RBBP8: variants seen among roughly 807,000 people sequenced by gnomAD.
The protein encoded by RBBP8 is DNA endonuclease RBBP8.
Under a neutral mutation model 108.3 loss-of-function variants are expected in RBBP8, and 88 were observed. The ratio of observed to expected loss-of-function variants is 0.81; its 90% CI spans 0.68 to 0.97. The LOEUF is 0.97. Ranked by LOEUF, RBBP8 falls within the 50% of genes least tolerant of loss-of-function variation. The probability of loss-of-function intolerance (pLI) is 0.00; values close to 1 mark genes in which losing one functional copy is unlikely to be tolerated. For synonymous variants in RBBP8, 332 were observed against 348.2 expected, an observed-to-expected ratio of 0.95 and a Z score of 0.52; for missense variants, 1,023 against 1,049.0, an observed-to-expected ratio of 0.98 and a Z score of 0.34.
chr18:23,022,819 G>A (rs1339627586), intron 18 of RBBP8, among the ~76,000 whole-genome samples: 1 of 151,406 alleles, frequency 6.6e-6, no homozygotes, highest in Non-Finnish European at 1.5e-5. Context: ...TTAGAGATTG[G>A]TAATATCACT....
chr18:23,015,929 T>C (rs1167994396), intron 16 of RBBP8, among the ~76,000 whole-genome samples: 1 of 152,084 alleles, frequency 6.6e-6, no homozygotes, highest in East Asian at 1.9e-4. Flanking sequence ...GCTTTTTTTC[T>C]TTTTTTGAGA....
intron 3 of RBBP8, among the ~76,000 whole-genome samples, chr18:22,928,037 C>T (rs1274767868): frequency 1.3e-5 from 2 of 151,868 alleles, no homozygotes; most frequent in East Asian, 1.9e-4. Flanking sequence ...GGCAAAACTC[C>T]GTCTCTACTA....
In RBBP8 at chr18:22,975,288, G is replaced by T. The variant is rs1914421385; in HGVS notation, c.428+69G>T. The T allele has an allele frequency of 3.8e-6, 6 of 1,568,402 alleles. No homozygotes were observed. In the South Asian group the frequency reaches 7.1e-5, roughly 19 times the overall value. The stretch of plus-strand genomic sequence containing the variant: ...ATACAAACCATGAAGATAACTGTAA[G>T]AGTTGCAGATTTCATTTTAAAAATT... On this transcript the variant is annotated intron_variant, in intron 6 of 18. Coordinates refer to ENST00000327155, the MANE Select transcript of RBBP8 (RefSeq NM_002894.3).
In RBBP8 at chr18:22,992,986, C is replaced by T. The variant is rs1804732; in HGVS notation, c.1159C>T (p.His387Tyr). The T allele has an allele frequency of 2.5e-6, 4 of 1,613,576 alleles. No individual in the cohort carries two copies. The highest frequency in any genetic ancestry group is 3.4e-6 in the Non-Finnish European group (4 of 1,179,518). Residue 387 changes from histidine to tyrosine, a missense_variant, in exon 11 of 19, where the codon CAT becomes TAT. Transcript: ENST00000327155. ...ATCTGAAGATAGTGCCCTTTTCACA[C>T]ATCACAGTCTTGGGTCTGAAGTGAA... ...SKSEDSALFTHHSLGSEVNKI... is the reference protein window; with the variant it reads ...SKSEDSALFTYHSLGSEVNKI...
chr18:23,001,712 C>T lies in RBBP8; in HGVS notation c.2270C>T (p.Ala757Val), dbSNP rs2045951579. Residue 757 changes from alanine (A) to valine (V), a missense_variant, in exon 15 of 19, where the codon GCC (alanine) becomes GTC (valine). Transcript: ENST00000327155. ...GATGAAGAGGAGGAATTGTCTACTG[C>T]CACAAAGAAACTACACAGTAAGATT... ...AADEEEELST[A>V]TKKLHTHGDK... 6.2e-7 allele frequency: 1 copy of T among 1,614,046 alleles called. No individual in the cohort carries two copies. The highest frequency in any genetic ancestry group is 8.5e-7 in the Non-Finnish European group (1 of 1,179,988).
rs548660489 is a variant in RBBP8 at position 22,990,873 on chromosome 18, T to A, written c.808-64T>A. ...CTACATCATAACATATATCAGTACT[T>A]CATCCCTTTTTAAGAATGAACAAAT... On this transcript the variant is annotated intron_variant, in intron 9 of 18. Transcript: ENST00000327155. 93 of 1,241,628 alleles carry A rather than the reference T, an allele frequency of 7.5e-5. No individual in the cohort carries two copies. The African/African-American group carries it at 1.3e-3, about 18-fold the overall frequency. 76.9% of individuals were successfully genotyped at this position (1,241,628 alleles called of 1,614,324 possible).
chr18:22,924,127 G>GTTTTTTTTTTTTTT lies in RBBP8; in HGVS notation c.-153-5249_-153-5236dup, dbSNP rs33978854. 3.1e-4 allele frequency among the ~76,000 whole-genome samples: 34 copies of GTTTTTTTTTTTTTT among 108,220 alleles called. 1 individual carries two copies. Among genetic ancestry groups the GTTTTTTTTTTTTTT allele is most frequent in the Non-Finnish European group, 4.9e-4 (28 of 56,814 alleles). The allele number at this position is 108,220 out of a possible 152,430, so 71.0% of individuals were successfully genotyped here. A position where few individuals can be genotyped will look rare whatever the true frequency, so the allele number is the denominator to read the frequency against. On this transcript the variant is annotated intron_variant, in intron 3 of 4. Transcript: ENST00000577588. ...GCATTTTTTAGTTAGTTTGTTTTTGGTTTTTTTTTTTTTTTTTTTTGAGAC... is the reference window on the plus strand; with the variant it reads ...GCATTTTTTAGTTAGTTTGTTTTTGGTTTTTTTTTTTTTTTTTTTTTTTTTTTTTTTTTTGAGAC...
At chr18:23,006,488 TTTTA>T (rs2046051005) in intron 16 of RBBP8, 56 bp downstream of exon 16, 9 of 1,368,270 alleles carry the variant, frequency 6.6e-6, no homozygotes, top group African/African-American at 2.9e-5. Context: ...TAGAGCTGTC[TTTTA>T]TTTCTCTCTC....
At chr18:22,940,874 G>A (rs1044043508) in intron 2 of RBBP8, among the ~76,000 whole-genome samples, 5 of 151,812 alleles carry the variant, frequency 3.3e-5, no homozygotes, top group Admixed American at 1.3e-4. Context: ...CAACTCCTGG[G>A]CTCAAGCAGT....
rs1555630318 is a variant in RBBP8, at chr18:22,924,132, T to TTG, written c.-153-5250_-153-5249insGT. Among the ~76,000 whole-genome samples, 869 of 141,170 alleles carry TTG rather than the reference T, an allele frequency of 6.2e-3. 8 individuals carry two copies. The highest frequency in any genetic ancestry group is 0.022 in the African/African-American group (845 of 38,668). 92.6% of individuals were successfully genotyped at this position (141,170 alleles called of 152,430 possible). ...TTTTAGTTAGTTTGTTTTTGGTTTT[T>TTG]TTTTTTTTTTTTTTTGAGACGGAGT... is the stretch of plus-strand genomic sequence containing the variant. On this transcript the variant is annotated intron_variant, in intron 3 of 4. Coordinates refer to the RBBP8 transcript ENST00000577588.
Position 22,970,817 on chromosome 18 carries a change from T to C in RBBP8, c.361+1899T>C, listed in dbSNP as rs550720828. Among the ~76,000 whole-genome samples, 26 of 152,344 alleles carry C rather than the reference T, an allele frequency of 1.7e-4. No individual in the cohort carries two copies. In the East Asian group the frequency reaches 4.2e-3, roughly 25 times the overall value. On this transcript the variant is annotated intron_variant, in intron 5 of 18. Coordinates refer to ENST00000327155, the MANE Select transcript of RBBP8 (RefSeq NM_002894.3). ...TGGTAGATATGCTGTGCATATATTT[T>C]CTACTTTGCCATTACCTGTTGACTT...
chr18:22,982,501 A>AT, intron 7 of RBBP8, 108 bp downstream of exon 7: 1 of 1,571,794 alleles, frequency 6.4e-7, no homozygotes, highest in Non-Finnish European at 8.6e-7. Context: ...CTATTCTGGT[A>AT]TCCCATGGTA....
Position 22,993,298 on chromosome 18 carries a change from C to T in RBBP8, c.1471C>T (p.Leu491=), listed in dbSNP as rs561139689. 2 of 1,614,224 alleles carry T rather than the reference C, an allele frequency of 1.2e-6. No individual in the cohort carries two copies. Among genetic ancestry groups the T allele is most frequent in the South Asian group, 2.2e-5 (2 of 91,084 alleles). ...TGGAGACTGTGTGATGGATAAACCT[C>T]TGGATCTGTCTGATCGATTTTCAGC... The part of the protein sequence containing the change: ...MNGDCVMDKP[L]DLSDRFSAIQ... Residue 491 remains leucine (L), a synonymous_variant, in exon 11 of 19, where the codon CTG becomes TTG. Transcript: ENST00000327155.
Position 23,001,847 on chromosome 18 carries a change from G to A in RBBP8, c.2287+118G>A, listed in dbSNP as rs62095233. On this transcript the variant is annotated intron_variant, in intron 15 of 18. Transcript: ENST00000327155. ...CAACAATTGAAGTTTCATATTTCTT[G>A]TATAAATTTTTTCAGGTTTTTAAAA... The A allele has an allele frequency of 0.037, 49,515 of 1,355,708 alleles. 1,072 individuals are homozygous for A. Among genetic ancestry groups the A allele is most frequent in the African/African-American group, 0.078 (5,245 of 67,616 alleles). 84.0% of individuals were successfully genotyped at this position (1,355,708 alleles called of 1,614,324 possible). A position where few individuals can be genotyped will look rare whatever the true frequency, so the allele number is the denominator to read the frequency against.
chr18:23,001,447 A>T (rs1176280761), intron 14 of RBBP8, 139 bp from the exon 15 acceptor site: 1 of 956,282 alleles, frequency 1.0e-6, no homozygotes, highest in East Asian at 2.5e-5. Context: ...TATATAATCC[A>T]TATTTTAACA....
rs2045795759 is a variant in RBBP8, at chr18:22,993,839, A to G, written c.1931A>G (p.Asn644Ser). The G allele has an allele frequency of 6.2e-7, 1 of 1,613,052 alleles. No homozygotes were observed. The highest frequency in any genetic ancestry group is 1.3e-5 in the African/African-American group (1 of 74,912). ...CRTGKIKSLQNNQDVSFENIQ... is the reference protein window; with the variant it reads ...CRTGKIKSLQSNQDVSFENIQ... ...ACTGGTAAAATAAAGTCTCTACAAAACAACCAAGGTGTGTACACCATAAAC... is the reference window on the plus strand; with the variant it reads ...ACTGGTAAAATAAAGTCTCTACAAAGCAACCAAGGTGTGTACACCATAAAC... Residue 644 changes from asparagine to serine, a missense_variant, in exon 12 of 19, where the codon AAC (asparagine) becomes AGC (serine). Transcript: ENST00000327155.
intron 5 of RBBP8, among the ~76,000 whole-genome samples, chr18:22,974,565 G>T (rs550087439): frequency 6.6e-6 from 1 of 152,114 alleles, no homozygotes; most frequent in Non-Finnish European, 1.5e-5. Flanking sequence ...AGGTTCAAAT[G>T]ATTCTCCTGC....
chr18:23,012,046 CA>C (rs1003781403), intron 16 of RBBP8, among the ~76,000 whole-genome samples: 13 of 151,054 alleles, frequency 8.6e-5, no homozygotes, highest in Admixed American at 4.0e-4. Context: ...ACAAAAAATA[CA>C]AAAAAAATTA....
At chr18:22,926,441 A>T (rs1909794968) in intron 3 of RBBP8, among the ~76,000 whole-genome samples, 1 of 152,202 alleles carries the variant, frequency 6.6e-6, no homozygotes, top group Non-Finnish European at 1.5e-5. Context: ...ATAAATAAAT[A>T]AAAAAGAAAC....
Sources: gnomAD v4.1 joint callset for allele counts (sites outside exome capture counted in the v4.1 genomes callset) on GRCh38, gnomAD v4.1.1 for gene constraint, MANE v1.5 for transcripts, NCBI Gene and HGNC (gene_info 2026-07-23, HGNC 2026-07-21) for gene names.